The following QTRT2 variants were observed in gnomAD, a reference collection of about 807,000 sequenced individuals.
QTRT2 encodes the protein queuine tRNA-ribosyltransferase domain containing 1.
In QTRT2, 32 loss-of-function variants were observed where a neutral mutation model predicts 44.8. That is an observed-to-expected ratio of 0.71 (90% CI 0.54 to 0.96). The LOEUF (loss-of-function observed/expected upper bound fraction) is 0.96, where lower values mean the gene tolerates loss of function less well. Among genes scored for constraint, QTRT2 ranks in the 40% least tolerant of loss-of-function variants. The probability of loss-of-function intolerance (pLI) is 0.00; values close to 1 mark genes in which losing one functional copy is unlikely to be tolerated. For synonymous variants in QTRT2, 182 were observed against 187.4 expected (o/e 0.97, Z 0.24); for missense variants, 461 against 503.1 (o/e 0.92, Z 0.80).
chr3:114,082,252 A>G (rs910066586), intron 8 of QTRT2, among the ~76,000 whole-genome samples: 15 of 114,246 alleles, frequency 1.3e-4, no homozygotes, highest in Middle Eastern at 4.6e-3. Flanking sequence ...ACACACACAC[A>G]CGCAACCAAC....
intron 6 of QTRT2, among the ~76,000 whole-genome samples, chr3:114,074,962 A>G (rs941270676): frequency 6.6e-6 from 1 of 152,222 alleles, no homozygotes; most frequent in African/African-American, 2.4e-5. Flanking sequence ...TACTCTATGG[A>G]TAAACATTTA....
At chr3:114,071,253 A>G in intron 6 of QTRT2, among the ~76,000 whole-genome samples, 1 of 152,024 alleles carries the variant, frequency 6.6e-6, no homozygotes, top group East Asian at 1.9e-4. Flanking sequence ...CTCTTCCTCA[A>G]TACTTTATCT....
At position 114,065,325 on chromosome 3, in the gene QTRT2, C is replaced by G. The variant is rs774982441; in HGVS notation, c.68C>G (p.Thr23Arg). ...RLGKIKNLGK[T>R]GDHTMDIPGC... ...GGAAAAATAAAAAACCTGGGCAAAA[C>G]AGGGGACCACACCATGGATATTCCA... is the stretch of plus-strand genomic sequence containing the variant. The change falls in exon 3 of 10, where the codon ACA (threonine) becomes AGA (arginine). Residue 23 changes from threonine to arginine, a missense_variant. Transcript: ENST00000281273. The G allele has an allele frequency of 6.2e-7, 1 of 1,614,088 alleles. No individual in the cohort carries two copies. Among genetic ancestry groups the G allele is most frequent in the Non-Finnish European group, 8.5e-7 (1 of 1,180,006 alleles).
At chr3:114,061,052 C>T (rs1047273158) in intron 2 of QTRT2, among the ~76,000 whole-genome samples, 8 of 152,100 alleles carry the variant, frequency 5.3e-5, no homozygotes, top group African/African-American at 1.9e-4. Context: ...AGGAATTTTC[C>T]GTTTAATATG....
At chr3:114,064,216 A>G (rs1356972337) in intron 2 of QTRT2, among the ~76,000 whole-genome samples, 1 of 151,172 alleles carries the variant, frequency 6.6e-6, no homozygotes, top group Non-Finnish European at 1.5e-5. Flanking sequence ...TTCTGTGTCC[A>G]AAAAAAAATG....
At position 114,066,208 on chromosome 3, in the gene QTRT2, T is replaced by G; in HGVS notation, c.201-20T>G. 1 of 1,571,254 alleles carries G rather than the reference T, an allele frequency of 6.4e-7. No individual in the cohort carries two copies. Among genetic ancestry groups the G allele is most frequent in the Middle Eastern group, 1.7e-4 (1 of 5,872 alleles). On this transcript the variant is annotated intron_variant, in intron 3 of 9. Transcript: ENST00000281273. The stretch of plus-strand genomic sequence containing the variant: ...GAATGACACATTATTATGTTATGTA[T>G]TTTTCTGTTTTGCTTACAGAGCAGA...
rs372312023 is a variant in QTRT2 at position 114,084,083 on chromosome 3, G to T, written c.1016+1289G>T. ...TTCTTTTTTTTTTTTTTTTGTGGGGGGCAGAGTGTAGCTCTGTTGCCCAGG... is the reference window on the plus strand; with the variant it reads ...TTCTTTTTTTTTTTTTTTTGTGGGGTGCAGAGTGTAGCTCTGTTGCCCAGG... On this transcript the variant is annotated intron_variant, in intron 9 of 9. Coordinates refer to ENST00000281273, the MANE Select transcript of QTRT2 (RefSeq NM_024638.4). Among the ~76,000 whole-genome samples the T allele has an allele frequency of 1.4e-3, 206 of 150,168 alleles. 1 individual carries two copies. The highest frequency in any genetic ancestry group is 4.7e-3 in the African/African-American group (194 of 40,864).
rs953110061 is a variant in QTRT2 at position 114,070,788 on chromosome 3, C to G, written c.496C>G (p.Arg166Gly). 7.4e-6 allele frequency: 12 copies of G among 1,613,918 alleles called. No homozygotes were observed. Among genetic ancestry groups the G allele is most frequent in the Non-Finnish European group, 1.0e-5 (12 of 1,179,956 alleles). The change falls in exon 6 of 10, where the codon CGA becomes GGA. Residue 166 changes from arginine to glycine, a missense_variant. Physicochemically the swap from Arg to Gly is moderately radical, Grantham distance 125 (BLOSUM62 -2). Transcript: ENST00000281273. Reference sequence around the variant, plus strand: ...AAAAAGGGTCAGAAAGTCTGTTGACCGATCACTTCTTTTCTTGGATAACTG... The same window carrying G: ...AAAAAGGGTCAGAAAGTCTGTTGACGGATCACTTCTTTTCTTGGATAACTG... The part of the protein sequence containing the change: ...SIKRVRKSVD[R>G]SLLFLDNCLR...
chr3:114,070,047 A>T (rs2077004058), intron 5 of QTRT2, among the ~76,000 whole-genome samples: 1 of 152,200 alleles, frequency 6.6e-6, no homozygotes, highest in Admixed American at 6.5e-5. Flanking sequence ...GGAGTGAGTG[A>T]TCGATTATGT....
chr3:114,061,960 T>C (rs1397136766), intron 2 of QTRT2, among the ~76,000 whole-genome samples: 1 of 151,970 alleles, frequency 6.6e-6, no homozygotes, highest in Non-Finnish European at 1.5e-5. Context: ...TCACATATAC[T>C]TTTGAAAAAT....
intron 5 of QTRT2, 72 bp from the exon 6 acceptor site, chr3:114,070,554 T>C (rs1192687553): frequency 2.3e-6 from 3 of 1,316,320 alleles, no homozygotes; most frequent in Admixed American, 1.7e-5. Flanking sequence ...ATTATTGCTT[T>C]ATCATTTTAA....
chr3:114,081,195 A>T (rs1158750910), intron 8 of QTRT2, among the ~76,000 whole-genome samples: 3 of 151,914 alleles, frequency 2.0e-5, no homozygotes, highest in African/African-American at 7.3e-5. Flanking sequence ...CATGATTAGG[A>T]AAAAGGAAAT....
At chr3:114,080,270 A>G (rs904096711) in intron 8 of QTRT2, among the ~76,000 whole-genome samples, 2 of 152,242 alleles carry the variant, frequency 1.3e-5, no homozygotes, top group Non-Finnish European at 1.5e-5. Flanking sequence ...ATGTGATTTT[A>G]TAGTGAAAAG....
intron 7 of QTRT2, chr3:114,077,789 C>T (rs1440238301): frequency 6.7e-6 from 1 of 149,860 alleles, no homozygotes; most frequent in African/African-American, 2.5e-5. Context: ...TCTTGGCTCA[C>T]TGCAACCTCC....
chr3:114,060,028 A>G (rs1246017948), intron 2 of QTRT2, among the ~76,000 whole-genome samples: 1 of 152,222 alleles, frequency 6.6e-6, no homozygotes, highest in Non-Finnish European at 1.5e-5. Flanking sequence ...ATGGTGGCCA[A>G]TGTCCTTTAG....
intron 9 of QTRT2, among the ~76,000 whole-genome samples, chr3:114,085,210 T>A (rs1281225192): frequency 2.6e-5 from 4 of 151,538 alleles, no homozygotes; most frequent in African/African-American, 9.7e-5. Flanking sequence ...TTTGTTAACT[T>A]TTTTTTTTCT....
At chr3:114,057,321 A>C (rs1332868039) in intron 2 of QTRT2, 1 of 157,684 alleles carries the variant, frequency 6.3e-6, no homozygotes, top group Non-Finnish European at 1.4e-5. Flanking sequence ...GATTTAGAAC[A>C]GGAGTTTTGA....
intron 2 of QTRT2, among the ~76,000 whole-genome samples, chr3:114,061,523 C>T (rs2076886440): frequency 6.6e-6 from 1 of 152,210 alleles, no homozygotes; most frequent in African/African-American, 2.4e-5. Flanking sequence ...TCTGTTGGCA[C>T]AGGTTAAAGA....
chr3:114,063,711 T>C (rs1202347851), intron 2 of QTRT2, among the ~76,000 whole-genome samples: 2 of 152,160 alleles, frequency 1.3e-5, no homozygotes, highest in African/African-American at 4.8e-5. Flanking sequence ...AAGTAGTTAT[T>C]CTTTTTTTTT....
Sources: allele counts gnomAD v4.1 joint callset (sites outside exome capture counted in the v4.1 genomes callset), GRCh38; gene constraint gnomAD v4.1.1; transcripts MANE v1.5; gene names NCBI Gene and HGNC (gene_info 2026-07-23, HGNC 2026-07-21).